The following TUBA3D variants were observed in gnomAD, a reference collection of about 807,000 sequenced individuals.
TUBA3D encodes the protein tubulin alpha 3d, also known as tubulin alpha-3D chain.
Under a neutral mutation model 36.1 loss-of-function variants are expected in TUBA3D, and 24 were observed. The observed-to-expected ratio is 0.66, with a 90% CI of 0.48 to 0.93. The LOEUF (loss-of-function observed/expected upper bound fraction) is 0.93, where lower values mean the gene tolerates loss of function less well. Among genes scored for constraint, TUBA3D ranks in the 40% least tolerant of loss-of-function variants. The pLI is 0.00. For synonymous variants in TUBA3D, 185 were observed against 247.2 expected (o/e 0.75, Z 2.36); for missense variants, 356 against 614.5 (o/e 0.58, Z 4.45).
rs749108390 is a variant in TUBA3D at position 131,480,049 on chromosome 2, C to T, written c.376-20C>T. On this transcript the variant is annotated intron_variant, in intron 3 of 4. Coordinates refer to ENST00000321253, the MANE Select transcript of TUBA3D (RefSeq NM_080386.4). ...TGTGGCTTCCATGGGCATTGGCTCA[C>T]GTTGTGTGGTTTCTCTCAGGCGGAT... The T allele has an allele frequency of 4.5e-5, 71 of 1,562,214 alleles. 1 individual carries two copies. The highest frequency in any genetic ancestry group is 1.7e-4 in the Admixed American group (9 of 54,188).
chr2:131,482,443 G>A (rs1367651424), intron 4 of TUBA3D, 109 bp from the exon 5 acceptor site: 1 of 1,480,326 alleles, frequency 6.8e-7, no homozygotes, highest in East Asian at 2.3e-5. Context: ...GAGGTGAACT[G>A]AGCATTCTCC....
chr2:131,481,570 G>T (rs1315561027), intron 4 of TUBA3D, among the ~76,000 whole-genome samples: 1 of 151,924 alleles, frequency 6.6e-6, no homozygotes, highest in Non-Finnish European at 1.5e-5. Context: ...AAGTAGCTGG[G>T]ATTACAGGCA....
At chr2:131,476,410 C>T (rs1285585553) in intron 1 of TUBA3D, among the ~76,000 whole-genome samples, 1 of 152,194 alleles carries the variant, frequency 6.6e-6, no homozygotes, top group Non-Finnish European at 1.5e-5. Context: ...GATGAAGCTG[C>T]CGGCCTTTAG....
At chr2:131,476,401 A>G (rs1450941116) in intron 1 of TUBA3D, among the ~76,000 whole-genome samples, 199 bp downstream of exon 1, 1 of 152,156 alleles carries the variant, frequency 6.6e-6, no homozygotes, top group East Asian at 1.9e-4. Flanking sequence ...TTTGTTTTAG[A>G]TGAAGCTGCC....
chr2:131,478,224 G>T lies in TUBA3D; in HGVS notation c.64G>T (p.Glu22Ter). 6.2e-7 allele frequency: 1 copy of T among 1,614,136 alleles called. No individual in the cohort carries two copies. The highest frequency in any genetic ancestry group is 1.1e-5 in the South Asian group (1 of 91,086). ...AGVQIGNACWELYCLEHGIQP... is the reference protein window; with the variant it reads ...AGVQIGNACW The stretch of plus-strand genomic sequence containing the variant: ...TGTCCAGATCGGCAATGCCTGCTGG[G>T]AACTGTACTGCCTTGAACATGGAAT... Residue 22 changes from glutamate (E) to a stop codon, truncating the protein, a stop_gained, in exon 2 of 5, where the codon GAA (glutamate) becomes TAA (stop). Transcript: ENST00000321253. LOFTEE classifies it high-confidence loss of function.
intron 1 of TUBA3D, among the ~76,000 whole-genome samples, chr2:131,477,666 C>T (rs368486600): frequency 2.0e-5 from 3 of 151,062 alleles, no homozygotes; most frequent in Non-Finnish European, 4.4e-5. Context: ...GGTCAGCCTT[C>T]GAGAGCACAG....
At position 131,482,426 on chromosome 2, in the gene TUBA3D, C is replaced by T. The variant is rs548584971; in HGVS notation, c.1057-126C>T. ...CCTGGTGCAGAGAAGGGCTTAGTGA[C>T]GTTTGTGAGGTGAACTGAGCATTCT... On this transcript the variant is annotated intron_variant, in intron 4 of 4. Transcript: ENST00000321253. 28 of 1,401,144 alleles carry T rather than the reference C, an allele frequency of 2.0e-5. No homozygotes were observed. In the Admixed American group the frequency reaches 2.7e-4, roughly 14 times the overall value. The allele number at this position is 1,401,144 out of a possible 1,614,324, so 86.8% of individuals were successfully genotyped here.
In TUBA3D at chr2:131,478,235, C is replaced by G. The variant is rs1254539494; in HGVS notation, c.75C>G (p.Cys25Trp). 1 of 1,614,104 alleles carries G rather than the reference C, an allele frequency of 6.2e-7. No homozygotes were observed. The highest frequency in any genetic ancestry group is 2.2e-5 in the East Asian group (1 of 44,886). Reference protein sequence around the residue: ...QIGNACWELYCLEHGIQPDGQ... With the variant: ...QIGNACWELYWLEHGIQPDGQ... Reference sequence around the variant, plus strand: ...GCAATGCCTGCTGGGAACTGTACTGCCTTGAACATGGAATTCAGCCCGATG... The same window carrying G: ...GCAATGCCTGCTGGGAACTGTACTGGCTTGAACATGGAATTCAGCCCGATG... The change falls in exon 2 of 5, where the codon TGC becomes TGG. Residue 25 changes from cysteine (C) to tryptophan (W), a missense_variant. Coordinates refer to ENST00000321253, the MANE Select transcript of TUBA3D (RefSeq NM_080386.4).
Position 131,479,353 on chromosome 2 carries a change from A to G in TUBA3D, c.272A>G (p.Gln91Arg). 1 of 1,614,186 alleles carries G rather than the reference A, an allele frequency of 6.2e-7. No individual in the cohort carries two copies. The highest frequency in any genetic ancestry group is 8.5e-7 in the Non-Finnish European group (1 of 1,180,032). The change falls in exon 3 of 5, where the codon CAG becomes CGG. Residue 91 changes from glutamine (Q) to arginine (R), a missense_variant. By Grantham distance (43) the Gln-to-Arg change is conservative. Around this residue, in one of 3 missense-constraint regions of TUBA3D, gnomAD observed 109 missense variants for 153.7 expected, o/e 0.71. Transcript: ENST00000321253. The part of the protein sequence containing the change: ...GTYRQLFHPE[Q>R]LITGKEDAAN... ...TACAGGCAGCTCTTCCACCCGGAGC[A>G]GCTGATCACCGGGAAGGAAGATGCA...
rs780098794 is a variant in TUBA3D, at chr2:131,480,479, C to T, written c.786C>T (p.Tyr262=). 3.8e-6 allele frequency: 6 copies of T among 1,588,808 alleles called. No individual in the cohort carries two copies. Among genetic ancestry groups the T allele is most frequent in the South Asian group, 3.3e-5 (3 of 90,424 alleles). ...AATTCCAGACCAACCTAGTGCCGTACCCCCGCATCCACTTCCCCCTGGCCA... is the reference window on the plus strand; with the variant it reads ...AATTCCAGACCAACCTAGTGCCGTATCCCCGCATCCACTTCCCCCTGGCCA... The part of the protein sequence containing the change: ...LTEFQTNLVP[Y]PRIHFPLATY... Residue 262 remains tyrosine, a synonymous_variant, in exon 4 of 5, where the codon TAC becomes TAT. Coordinates refer to ENST00000321253, the MANE Select transcript of TUBA3D (RefSeq NM_080386.4).
Position 131,478,302 on chromosome 2 carries a change from T to C in TUBA3D, c.142T>C (p.Ser48Pro). The change falls in exon 2 of 5, where the codon TCC becomes CCC. Residue 48 changes from serine to proline, a missense_variant. By Grantham distance (74) the Ser-to-Pro change is moderately conservative. This residue lies in a region of TUBA3D where 109 missense variants were observed against 153.7 expected (regional missense o/e 0.71). Transcript: ENST00000321253. ...TAAAACCATTGGTGGCGGGGACGAC[T>C]CCTTCAACACGTTCTTCAGTGAGAC... Reference protein sequence around the residue: ...SDKTIGGGDDSFNTFFSETGA... With the variant: ...SDKTIGGGDDPFNTFFSETGA... 1.2e-6 allele frequency: 2 copies of C among 1,614,004 alleles called. No individual in the cohort carries two copies. Among genetic ancestry groups the C allele is most frequent in the South Asian group, 1.1e-5 (1 of 91,082 alleles).
chr2:131,480,906 A>ATT (rs201314369), intron 4 of TUBA3D, among the ~76,000 whole-genome samples, 157 bp downstream of exon 4: 4 of 150,304 alleles, frequency 2.7e-5, no homozygotes, highest in African/African-American at 9.9e-5. Flanking sequence ...TGATTCAGTG[A>ATT]TTTCTTTTTT....
chr2:131,476,568 T>C (rs1212309723), intron 1 of TUBA3D, among the ~76,000 whole-genome samples: 2 of 152,160 alleles, frequency 1.3e-5, no homozygotes, highest in Non-Finnish European at 2.9e-5. Context: ...TGACGGGGGT[T>C]GGGGCTGTGG....
intron 2 of TUBA3D, chr2:131,478,853 C>T (rs938054306): frequency 2.4e-5 from 5 of 209,538 alleles, no homozygotes; most frequent in African/African-American, 9.2e-5. Context: ...CAGCACCTTT[C>T]AGTGGCCCCC....
chr2:131,480,143 A>G lies in TUBA3D; in HGVS notation c.450A>G (p.Ala150=), dbSNP rs772507974. The stretch of plus-strand genomic sequence containing the variant: ...GGGGCGGCACTGGCTCTGGGTTCGC[A>G]TCTCTGCTCATGGAGCGGCTCTCAG... ...SFGGGTGSGF[A]SLLMERLSVD... Residue 150 remains alanine, a synonymous_variant, in exon 4 of 5, where the codon GCA becomes GCG. Transcript: ENST00000321253. The G allele has an allele frequency of 8.7e-6, 14 of 1,613,612 alleles. No homozygotes were observed. Among genetic ancestry groups the G allele is most frequent in the African/African-American group, 1.3e-5 (1 of 74,684 alleles).
intron 1 of TUBA3D, 109 bp downstream of exon 1, chr2:131,476,311 A>C: frequency 6.3e-7 from 1 of 1,584,900 alleles, no homozygotes; most frequent in Non-Finnish European, 8.6e-7. Flanking sequence ...AGGCCAGAGA[A>C]GGACGCAGGG....
At chr2:131,476,260 G>T in intron 1 of TUBA3D, 58 bp downstream of exon 1, 2 of 1,613,208 alleles carry the variant, frequency 1.2e-6, no homozygotes, top group South Asian at 2.2e-5. Flanking sequence ...TTGGCCTCGG[G>T]TGGACAGAGG....
Position 131,479,324 on chromosome 2 carries a change from G to A in TUBA3D, c.243G>A (p.Gly81=). The A allele has an allele frequency of 1.9e-6, 3 of 1,613,996 alleles. No individual in the cohort carries two copies. The highest frequency in any genetic ancestry group is 2.5e-6 in the Non-Finnish European group (3 of 1,179,934). ...EPTVVDEVRT[G]TYRQLFHPEQ... is the part of the protein sequence containing the mutation. The stretch of plus-strand genomic sequence containing the variant: ...CTTTTGCAGATGAAGTGCGCACAGG[G>A]ACCTACAGGCAGCTCTTCCACCCGG... The change falls in exon 3 of 5, where the codon GGG becomes GGA. Residue 81 remains glycine, a synonymous_variant. Coordinates refer to ENST00000321253, the MANE Select transcript of TUBA3D (RefSeq NM_080386.4).
chr2:131,477,995 G>C (rs1678731438), intron 1 of TUBA3D, among the ~76,000 whole-genome samples, 169 bp from the exon 2 acceptor site: 1 of 152,156 alleles, frequency 6.6e-6, no homozygotes, highest in South Asian at 2.1e-4. Context: ...ACAGCAATTA[G>C]TTTTCACAGC....
Sources: allele counts gnomAD v4.1 joint callset (sites outside exome capture counted in the v4.1 genomes callset), GRCh38; gene constraint gnomAD v4.1.1; regional missense constraint gnomAD v4.1.1; transcripts MANE v1.5; gene names NCBI Gene and HGNC (gene_info 2026-07-23, HGNC 2026-07-21).